EGFLAM: variants seen among roughly 807,000 people sequenced by gnomAD.
EGFLAM encodes pikachurin.
A neutral mutation model predicts 113.1 loss-of-function variants in EGFLAM; 79 were observed. The observed-to-expected ratio is 0.70, with a 90% confidence interval of 0.58 to 0.84. EGFLAM has a LOEUF of 0.84. Among genes scored for constraint, EGFLAM ranks in the 40% least tolerant of loss-of-function variants. The pLI, the probability that EGFLAM is intolerant of heterozygous loss-of-function variation, is 0.00. For missense variants in EGFLAM, 1,265 were observed against 1,291.6 expected (o/e 0.98, Z 0.32); for synonymous variants, 504 against 487.6 (o/e 1.03, Z -0.44).
At chr5:38,413,868 G>A (rs1741561285) in intron 11 of EGFLAM, among the ~76,000 whole-genome samples, 1 of 152,206 alleles carries the variant, frequency 6.6e-6, no homozygotes, top group South Asian at 2.1e-4. Context: ...CAGACCATCA[G>A]GCATGGTTAG....
chr5:38,281,280 G>A (rs1326525354), intron 1 of EGFLAM, among the ~76,000 whole-genome samples: 2 of 152,002 alleles, frequency 1.3e-5, no homozygotes, highest in African/African-American at 2.4e-5. Context: ...ACTAAATAAA[G>A]AGATAAGCTA....
intron 18 of EGFLAM, 106 bp downstream of exon 18, chr5:38,448,485 G>T: frequency 8.2e-7 from 1 of 1,213,824 alleles, no homozygotes; most frequent in Non-Finnish European, 1.2e-6. Flanking sequence ...AATTCTCAAA[G>T]AAGACCATTC....
intron 6 of EGFLAM, among the ~76,000 whole-genome samples, chr5:38,378,787 A>G (rs111316152): frequency 2.0e-5 from 3 of 152,334 alleles, no homozygotes; most frequent in African/African-American, 7.2e-5. Context: ...GACACTTAGT[A>G]TCTCTGGGTC....
intron 1 of EGFLAM, among the ~76,000 whole-genome samples, chr5:38,336,197 T>C (rs1451035941): frequency 6.6e-6 from 1 of 152,194 alleles, no homozygotes; most frequent in Non-Finnish European, 1.5e-5. Context: ...GTACTATATA[T>C]ATACTAAGTG....
At chr5:38,384,135 T>G (rs575603449) in intron 6 of EGFLAM, among the ~76,000 whole-genome samples, 187 of 151,750 alleles carry the variant, frequency 1.2e-3, no homozygotes, top group African/African-American at 4.3e-3. Context: ...GGAGAAGGAA[T>G]AAGGAGGCAA....
intron 1 of EGFLAM, among the ~76,000 whole-genome samples, chr5:38,309,523 G>A (rs1032463274): frequency 6.6e-6 from 1 of 152,168 alleles, no homozygotes; most frequent in Non-Finnish European, 1.5e-5. Context: ...AGCCTGTGGT[G>A]TGAATTGCTC....
intron 1 of EGFLAM, among the ~76,000 whole-genome samples, chr5:38,269,388 AT>A (rs767142098): frequency 6.6e-6 from 1 of 152,108 alleles, no homozygotes; most frequent in Non-Finnish European, 1.5e-5. Context: ...TTATAAAAAA[AT>A]CTTTTTTTTA....
intron 6 of EGFLAM, among the ~76,000 whole-genome samples, chr5:38,377,315 A>T (rs2956595): frequency 0.4 from 59,804 of 151,302 alleles, 12,390 homozygotes; most frequent in African/African-American, 0.53. Context: ...TTTTTTTATT[A>T]TGATTTTTAG....
At chr5:38,441,646 A>G (rs1742538891) in intron 17 of EGFLAM, among the ~76,000 whole-genome samples, 1 of 150,978 alleles carries the variant, frequency 6.6e-6, no homozygotes, top group Non-Finnish European at 1.5e-5. Flanking sequence ...ACGAAATGGG[A>G]GGAGGCTTCT....
At chr5:38,457,874 C>A (rs980568820) in intron 19 of EGFLAM, among the ~76,000 whole-genome samples, 5 of 151,984 alleles carry the variant, frequency 3.3e-5, no homozygotes, top group African/African-American at 1.2e-4. Context: ...CTCTATGATG[C>A]CACTCATATG....
In EGFLAM at chr5:38,396,218, T is replaced by A. The variant is rs140415521; in HGVS notation, c.713-9908T>A. On this transcript the variant is annotated intron_variant, in intron 6 of 21. Coordinates refer to ENST00000322350, the MANE Select transcript of EGFLAM (RefSeq NM_152403.4). ...ATTTCTTTTCAAAAAGTGTAAATGA[T>A]AAGGAATGTGATATGTACTGCCAGA... is the stretch of plus-strand genomic sequence containing the variant. Among the ~76,000 whole-genome samples, 3 of 152,016 alleles carry A rather than the reference T, an allele frequency of 2.0e-5. No homozygotes were observed. The East Asian group carries it at 5.8e-4, about 29-fold the overall frequency.
intron 1 of EGFLAM, among the ~76,000 whole-genome samples, chr5:38,283,628 C>T (rs1758079787): frequency 6.6e-6 from 1 of 152,090 alleles, no homozygotes; most frequent in African/African-American, 2.4e-5. Context: ...TGTCTGAGGT[C>T]ATGCAGCTAG....
chr5:38,404,004 C>T (rs1413449716), intron 6 of EGFLAM: 3 of 1,591,540 alleles, frequency 1.9e-6, no homozygotes, highest in African/African-American at 2.7e-5. Flanking sequence ...TTTGTTATCC[C>T]ACCTCCACCA....
intron 20 of EGFLAM, 52 bp downstream of exon 20, chr5:38,458,446 T>C (rs1561106893): frequency 6.4e-7 from 1 of 1,571,822 alleles, no homozygotes; most frequent in Non-Finnish European, 8.7e-7. Flanking sequence ...AGTGGTGGGA[T>C]GTGGTGTCCA....
chr5:38,382,333 T>A (rs963171140), intron 6 of EGFLAM, among the ~76,000 whole-genome samples: 8 of 152,222 alleles, frequency 5.3e-5, no homozygotes, highest in Admixed American at 3.9e-4. Flanking sequence ...TCACAAAATT[T>A]AATAACAATG....
Position 38,464,242 on chromosome 5 carries a change from C to A in EGFLAM, c.*256C>A. The A allele has an allele frequency of 2.1e-6, 1 of 465,362 alleles. No individual in the cohort carries two copies. The highest frequency in any genetic ancestry group is 3.8e-6 in the Non-Finnish European group (1 of 260,776). The allele number at this position is 465,362 out of a possible 1,614,324, so 28.8% of individuals were successfully genotyped here. ...CGGACTTTGTCCATTGAATATGTAG[C>A]GGCTGCCAGAGATCACACATCAATG... On this transcript the variant is annotated 3_prime_UTR_variant, in exon 22 of 22. Coordinates refer to ENST00000322350, the MANE Select transcript of EGFLAM (RefSeq NM_152403.4).
intron 9 of EGFLAM, 36 bp downstream of exon 9, chr5:38,407,941 G>A (rs909493520): frequency 8.0e-6 from 12 of 1,504,116 alleles, no homozygotes; most frequent in African/African-American, 1.4e-5. Context: ...GTGCTTTTTG[G>A]ACACTTTAAC....
At chr5:38,414,591 C>T (rs191200173) in intron 11 of EGFLAM, among the ~76,000 whole-genome samples, 4 of 152,204 alleles carry the variant, frequency 2.6e-5, no homozygotes, top group East Asian at 1.9e-4. Context: ...TCTAATCCTC[C>T]GAGAGGATTA....
In EGFLAM at chr5:38,448,372, T is replaced by C; in HGVS notation, c.2536T>C (p.Leu846=). Residue 846 remains leucine (L), a synonymous_variant, in exon 18 of 22, where the codon TTG becomes CTG. Transcript: ENST00000322350. ...SYLTYDNPDI[L]KRVSGSRSNV... The stretch of plus-strand genomic sequence containing the variant: ...CCTGACGTATGACAACCCAGATATC[T>C]TGAAGAGGTAATAAGCTTCAACAGG... The C allele has an allele frequency of 6.2e-7, 1 of 1,614,162 alleles. No homozygotes were observed. The highest frequency in any genetic ancestry group is 1.1e-5 in the South Asian group (1 of 91,078).
Sources: allele counts gnomAD v4.1 joint callset (sites outside exome capture counted in the v4.1 genomes callset), GRCh38; gene constraint gnomAD v4.1.1; transcripts MANE v1.5; gene names NCBI Gene and HGNC (gene_info 2026-07-23, HGNC 2026-07-21).